AXDND1: variants seen among roughly 807,000 people sequenced by gnomAD.
The protein encoded by AXDND1 is axonemal dynein light chain domain-containing protein 1.
Under a neutral mutation model 137.5 loss-of-function variants are expected in AXDND1, and 110 were observed. That is an observed-to-expected ratio of 0.80 (90% CI 0.69 to 0.94). The LOEUF is 0.94. Ranked by LOEUF, AXDND1 falls within the 40% of genes least tolerant of loss-of-function variation. The probability of loss-of-function intolerance (pLI) is 0.00; values close to 1 mark genes in which losing one functional copy is unlikely to be tolerated. For missense variants in AXDND1, 1,191 were observed against 1,169.8 expected (o/e 1.02, Z -0.26); for synonymous variants, 414 against 399.7 (o/e 1.04, Z -0.43).
At chr1:179,488,637 T>TC (rs1558256473) in intron 18 of AXDND1, among the ~76,000 whole-genome samples, 1 of 23,366 alleles carries the variant, frequency 4.3e-5, no homozygotes, top group Non-Finnish European at 9.3e-5. Context: ...TCTCTCTCCT[T>TC]TCTTTCTTTC....
chr1:179,483,618 G>A (rs887310631), intron 18 of AXDND1, among the ~76,000 whole-genome samples: 1 of 152,142 alleles, frequency 6.6e-6, no homozygotes, highest in Non-Finnish European at 1.5e-5. Flanking sequence ...TAATGGTGCT[G>A]CTACATTAAT....
intron 16 of AXDND1, chr1:179,456,882 A>G: frequency 1.1e-6 from 1 of 890,866 alleles, no homozygotes; most frequent in Non-Finnish European, 1.9e-6. Context: ...ATGATTGTCA[A>G]AGGTTACAAA....
At chr1:179,416,851 G>T (rs1313675002) in intron 12 of AXDND1, among the ~76,000 whole-genome samples, 1 of 152,168 alleles carries the variant, frequency 6.6e-6, no homozygotes, top group East Asian at 1.9e-4. Flanking sequence ...GCTTCTGTTA[G>T]TTTCCCCAAT....
intron 20 of AXDND1, among the ~76,000 whole-genome samples, chr1:179,505,236 C>T (rs1668419075): frequency 6.6e-6 from 1 of 152,196 alleles, no homozygotes; most frequent in African/African-American, 2.4e-5. Flanking sequence ...TGGCTTGTGC[C>T]ACATTCTAGC....
At chr1:179,550,727 G>A (rs1368752822) in intron 25 of AXDND1, 1 of 215,878 alleles carries the variant, frequency 4.6e-6, no homozygotes, top group African/African-American at 2.3e-5. Context: ...AGTATCATTG[G>A]AGAGAAGACT....
At chr1:179,494,838 G>C (rs930733983) in intron 20 of AXDND1, among the ~76,000 whole-genome samples, 1 of 151,988 alleles carries the variant, frequency 6.6e-6, no homozygotes, top group Non-Finnish European at 1.5e-5. Flanking sequence ...AGAGTTTTAG[G>C]CATTATATTC....
At chr1:179,404,699 A>G (rs376562276) in intron 11 of AXDND1, among the ~76,000 whole-genome samples, 9 of 152,192 alleles carry the variant, frequency 5.9e-5, no homozygotes, top group African/African-American at 2.2e-4. Context: ...CATCCATGAT[A>G]TTGGTCTGTA....
chr1:179,434,374 C>T (rs1657829141), intron 15 of AXDND1, among the ~76,000 whole-genome samples: 1 of 152,204 alleles, frequency 6.6e-6, no homozygotes, highest in South Asian at 2.1e-4. Context: ...ATCCTGATAC[C>T]AAAACCTGGC....
chr1:179,435,696 G>T (rs2125329170), intron 15 of AXDND1, among the ~76,000 whole-genome samples: 1 of 152,226 alleles, frequency 6.6e-6, no homozygotes, highest in Non-Finnish European at 1.5e-5. Flanking sequence ...ATTTACTCAA[G>T]ATGGATTAAA....
chr1:179,494,219 T>G (rs563766897), intron 20 of AXDND1, among the ~76,000 whole-genome samples: 1 of 152,308 alleles, frequency 6.6e-6, no homozygotes, highest in African/African-American at 2.4e-5. Context: ...CCCAAAGTGC[T>G]GGGATTACAG....
intron 20 of AXDND1, among the ~76,000 whole-genome samples, chr1:179,494,787 C>CA (rs1198937334): frequency 6.6e-5 from 10 of 152,146 alleles, no homozygotes; most frequent in South Asian, 2.1e-4. Flanking sequence ...TGCATAACAA[C>CA]ATCATAAAGA....
At chr1:179,538,143 G>C (rs1671744998) in intron 25 of AXDND1, among the ~76,000 whole-genome samples, 1 of 151,990 alleles carries the variant, frequency 6.6e-6, no homozygotes, top group South Asian at 2.1e-4. Context: ...CATGAAACCA[G>C]CTCCTGGATT....
Position 179,383,336 on chromosome 1 carries a change from C to A in AXDND1, c.639-106C>A, listed in dbSNP as rs997517485. 1.8e-5 allele frequency: 14 copies of A among 784,034 alleles called. No individual in the cohort carries two copies. The African/African-American group carries it at 2.4e-4, about 14-fold the overall frequency. The allele number at this position is 784,034 out of a possible 1,614,324, so 48.6% of individuals were successfully genotyped here. The stretch of plus-strand genomic sequence containing the variant: ...CTAATGCTTAAAATGCCATTAATAT[C>A]CCAGAGAGCATATATATTCTCTTTA... On this transcript the variant is annotated intron_variant, in intron 7 of 25. Transcript: ENST00000367618.
At chr1:179,382,448 C>G (rs530383389) in intron 6 of AXDND1, among the ~76,000 whole-genome samples, 1 of 152,166 alleles carries the variant, frequency 6.6e-6, no homozygotes, top group East Asian at 1.9e-4. Context: ...TGAGCTTTCT[C>G]TTGTGTTCTT....
chr1:179,533,760 G>GTCAGT (rs1384470372), intron 23 of AXDND1, 35 bp from the exon 24 acceptor site: 2 of 1,476,310 alleles, frequency 1.4e-6, no homozygotes, highest in Non-Finnish European at 1.9e-6. Context: ...TGTTGAGACT[G>GTCAGT]TCAGTTCATT....
At chr1:179,432,869 C>T (rs1657587962) in intron 15 of AXDND1, among the ~76,000 whole-genome samples, 1 of 151,494 alleles carries the variant, frequency 6.6e-6, no homozygotes, top group South Asian at 2.1e-4. Flanking sequence ...CACCACTGCA[C>T]TCCAGCCTGG....
At chr1:179,379,509 C>A (rs1187439083) in intron 6 of AXDND1, 27 bp downstream of exon 6, 3 of 1,594,130 alleles carry the variant, frequency 1.9e-6, no homozygotes, top group Non-Finnish European at 2.6e-6. Flanking sequence ...GTAAAAAATA[C>A]CTGCCCCAGC....
chr1:179,423,594 T>C (rs1352502329), intron 12 of AXDND1, among the ~76,000 whole-genome samples: 1 of 152,144 alleles, frequency 6.6e-6, no homozygotes, highest in Non-Finnish European at 1.5e-5. Flanking sequence ...GTGAATCTGT[T>C]ATAGGTTTTT....
chr1:179,466,282 C>CTTT (rs1491121382), intron 16 of AXDND1, among the ~76,000 whole-genome samples: 4,431 of 95,088 alleles, frequency 0.047, 250 homozygotes, highest in East Asian at 0.26. Context: ...TCTTCTTCTT[C>CTTT]TTCTTTTTTT....
Sources: allele counts gnomAD v4.1 joint callset (sites outside exome capture counted in the v4.1 genomes callset), GRCh38; gene constraint gnomAD v4.1.1; transcripts MANE v1.5; gene names NCBI Gene and HGNC (gene_info 2026-07-23, HGNC 2026-07-21).